The following TSSK6 variants were observed in gnomAD, a reference collection of about 807,000 sequenced individuals.
TSSK6 encodes testis-specific serine/threonine-protein kinase 6.
In TSSK6, 9 loss-of-function variants were observed where a neutral mutation model predicts 8.5. The ratio of observed to expected loss-of-function variants is 1.06; its 90% CI spans 0.64 to 1.85. The LOEUF (loss-of-function observed/expected upper bound fraction) is 1.85, where lower values mean the gene tolerates loss of function less well. Ranked by LOEUF, TSSK6 falls within the 40% of genes most tolerant of loss-of-function variation. The probability of loss-of-function intolerance (pLI) is 0.00; values close to 1 mark genes in which losing one functional copy is unlikely to be tolerated. For synonymous variants in TSSK6, 202 were observed against 182.4 expected, an observed-to-expected ratio of 1.11 and a Z score of -0.86; for missense variants, 311 against 391.5, an observed-to-expected ratio of 0.79 and a Z score of 1.73.
In TSSK6 at chr19:19,514,765, G is replaced by C; in HGVS notation, c.663C>G (p.Pro221=). 1 of 1,602,280 alleles carries C rather than the reference G, an allele frequency of 6.2e-7. No homozygotes were observed. The highest frequency in any genetic ancestry group is 8.5e-7 in the Non-Finnish European group (1 of 1,179,550). ...AGAGCACGCCGCGTTTCTGGCGCCGGGGCAGGCCGGCGATGTCCGAGTCGT... is the reference window on the plus strand; with the variant it reads ...AGAGCACGCCGCGTTTCTGGCGCCGCGGCAGGCCGGCGATGTCCGAGTCGT... The part of the protein sequence containing the change: ...PFDDSDIAGL[P]RRQKRGVLYP... The change falls in exon 1 of 1, where the codon CCC becomes CCG. Residue 221 remains proline (P), a synonymous_variant. Transcript: ENST00000585580.
Position 19,515,158 on chromosome 19 carries a change from C to T in TSSK6, c.270G>A (p.Met90Ile). Residue 90 changes from methionine to isoleucine, a missense_variant, in exon 1 of 1, where the codon ATG becomes ATA. Met to Ile is a conservative substitution (Grantham distance 10, BLOSUM62 1). Transcript: ENST00000585580. ...EVCNGKLYIV[M>I]EAAATDLLQA... Reference sequence around the variant, plus strand: ...GCAGCAGGTCGGTGGCGGCCGCTTCCATCACGATGTACAGTTTCCCGTTGC... The same window carrying T: ...GCAGCAGGTCGGTGGCGGCCGCTTCTATCACGATGTACAGTTTCCCGTTGC... 1 of 1,606,802 alleles carries T rather than the reference C, an allele frequency of 6.2e-7. No homozygotes were observed. Among genetic ancestry groups the T allele is most frequent in the South Asian group, 1.1e-5 (1 of 91,084 alleles).
At position 19,514,319 on chromosome 19, in the gene TSSK6, C is replaced by T; in HGVS notation, c.*287G>A. On this transcript the variant is annotated 3_prime_UTR_variant, in exon 1 of 1. Coordinates refer to ENST00000585580, the MANE Select transcript of TSSK6 (RefSeq NM_032037.4). ...CCGCGCAGAGGCTGAGAGTTCCGCG[C>T]AGGCGCAATGCTTCCGTCCCCTCTG... 1 of 460,042 alleles carries T rather than the reference C, an allele frequency of 2.2e-6. No individual in the cohort carries two copies. Among genetic ancestry groups the T allele is most frequent in the South Asian group, 3.7e-5 (1 of 27,042 alleles). The allele number at this position is 460,042 out of a possible 1,614,324, so 28.5% of individuals were successfully genotyped here.
In TSSK6 at chr19:19,514,820, T is replaced by C. The variant is rs2061038083; in HGVS notation, c.608A>G (p.Tyr203Cys). Residue 203 changes from tyrosine (Y) to cysteine (C), a missense_variant, in exon 1 of 1, where the codon TAC (tyrosine) becomes TGC (cysteine). Coordinates refer to ENST00000585580, the MANE Select transcript of TSSK6 (RefSeq NM_032037.4). ...GGGCATGCACCCGGTGACCATGACGTAGAGCACGACGCCCATGCTCCACAC... is the reference window on the plus strand; with the variant it reads ...GGGCATGCACCCGGTGACCATGACGCAGAGCACGACGCCCATGCTCCACAC... ...YDVWSMGVVL[Y>C]VMVTGCMPFD... is the part of the protein sequence containing the mutation. 1 of 1,600,068 alleles carries C rather than the reference T, an allele frequency of 6.2e-7. No homozygotes were observed. The highest frequency in any genetic ancestry group is 2.2e-5 in the East Asian group (1 of 44,794).
chr19:19,514,504 G>T lies in TSSK6; in HGVS notation c.*102C>A. On this transcript the variant is annotated 3_prime_UTR_variant, in exon 1 of 1. Transcript: ENST00000585580. ...GAAGGGAAAAAGCGCATGTGCAGCA[G>T]CACGCGGCAGCTTCGCATATTCCCT... 8.9e-7 allele frequency: 1 copy of T among 1,122,672 alleles called. No individual in the cohort carries two copies. The highest frequency in any genetic ancestry group is 1.2e-6 in the Non-Finnish European group (1 of 815,628). 69.5% of individuals were successfully genotyped at this position (1,122,672 alleles called of 1,614,324 possible). A position where few individuals can be genotyped will look rare whatever the true frequency, so the allele number is the denominator to read the frequency against.
Position 19,514,460 on chromosome 19 carries a change from G to T in TSSK6, c.*146C>A. On this transcript the variant is annotated 3_prime_UTR_variant, in exon 1 of 1. Transcript: ENST00000585580. Reference sequence around the variant, plus strand: ...AGGGCAACTGCGGACTCCCCCGTGGGAAGAAAGGGAGGGAAGCGGAAGGGA... The same window carrying T: ...AGGGCAACTGCGGACTCCCCCGTGGTAAGAAAGGGAGGGAAGCGGAAGGGA... The T allele has an allele frequency of 1.2e-6, 1 of 806,316 alleles. No homozygotes were observed. The highest frequency in any genetic ancestry group is 1.9e-6 in the Non-Finnish European group (1 of 529,676). 49.9% of individuals were successfully genotyped at this position (806,316 alleles called of 1,614,324 possible).
chr19:19,515,532 A>G lies in TSSK6; in HGVS notation c.-105T>C. On this transcript the variant is annotated 5_prime_UTR_variant, in exon 1 of 1. Coordinates refer to ENST00000585580, the MANE Select transcript of TSSK6 (RefSeq NM_032037.4). ...TGGCGCTTGGCACCTACACCCCCGC[A>G]CCCCCATGTGCCCACTGCCAGACAT... 9.7e-7 allele frequency: 1 copy of G among 1,030,252 alleles called. No individual in the cohort carries two copies. The highest frequency in any genetic ancestry group is 1.4e-6 in the Non-Finnish European group (1 of 698,306). 63.8% of individuals were successfully genotyped at this position (1,030,252 alleles called of 1,614,324 possible). A position where few individuals can be genotyped will look rare whatever the true frequency, so the allele number is the denominator to read the frequency against.
rs2061034144 is a variant in TSSK6, at chr19:19,514,290, C to T, written c.*316G>A. 1 of 354,028 alleles carries T rather than the reference C, an allele frequency of 2.8e-6. No homozygotes were observed. 21.9% of individuals were successfully genotyped at this position (354,028 alleles called of 1,614,324 possible). ...ACCCACGGCTGGTTGGGAAGGGACG[C>T]CCTCCGCGCAGAGGCTGAGAGTTCC... is the stretch of plus-strand genomic sequence containing the variant. On this transcript the variant is annotated 3_prime_UTR_variant, in exon 1 of 1. Coordinates refer to ENST00000585580, the MANE Select transcript of TSSK6 (RefSeq NM_032037.4).
rs1283135556 is a variant in TSSK6, at chr19:19,514,708, G to A, written c.720C>T (p.Cys240=). The A allele has an allele frequency of 5.6e-6, 9 of 1,601,676 alleles. No individual in the cohort carries two copies. The highest frequency in any genetic ancestry group is 1.3e-5 in the African/African-American group (1 of 74,932). Residue 240 remains cysteine, a synonymous_variant, in exon 1 of 1, where the codon TGC becomes TGT. Transcript: ENST00000585580. ...GCAGCAGCTCGGCGATCAGGGCCTT[G>A]CAGCGCTCGGACAGCTCGAGGCCTT... ...YPEGLELSER[C]KALIAELLQF...
Position 19,514,756 on chromosome 19 carries a change from C to A in TSSK6, c.672G>T (p.Gln224His). ...DSDIAGLPRR[Q>H]KRGVLYPEGL... Reference sequence around the variant, plus strand: ...CTTCGGGATAGAGCACGCCGCGTTTCTGGCGCCGGGGCAGGCCGGCGATGT... The same window carrying A: ...CTTCGGGATAGAGCACGCCGCGTTTATGGCGCCGGGGCAGGCCGGCGATGT... Residue 224 changes from glutamine (Q) to histidine (H), a missense_variant, in exon 1 of 1, where the codon CAG becomes CAT. By Grantham distance (24) the Gln-to-His change is conservative. Transcript: ENST00000585580. 1 of 1,602,440 alleles carries A rather than the reference C, an allele frequency of 6.2e-7. No homozygotes were observed.
At position 19,515,382 on chromosome 19, in the gene TSSK6, G is replaced by C. The variant is rs2061042020; in HGVS notation, c.46C>G (p.Arg16Gly). Residue 16 changes from arginine (R) to glycine (G), a missense_variant, in exon 1 of 1, where the codon CGC becomes GGC. By Grantham distance (125) the Arg-to-Gly change is moderately radical (BLOSUM62 -2). Transcript: ENST00000585580. ...LLSELGYKLG[R>G]TIGEGSYSKV... ...GAGTAGCTGCCCTCTCCAATTGTGC[G>C]GCCCAGCTTATAACCGAGTTCGCTC... The C allele has an allele frequency of 1.2e-6, 2 of 1,609,984 alleles. No individual in the cohort carries two copies. Among genetic ancestry groups the C allele is most frequent in the Non-Finnish European group, 1.7e-6 (2 of 1,176,632 alleles).
rs774458701 is a variant in TSSK6, at chr19:19,514,746, C to G, written c.682G>C (p.Val228Leu). The G allele has an allele frequency of 6.2e-7, 1 of 1,602,382 alleles. No homozygotes were observed. Among genetic ancestry groups the G allele is most frequent in the Non-Finnish European group, 8.5e-7 (1 of 1,179,572 alleles). ...AGCTCGAGGCCTTCGGGATAGAGCA[C>G]GCCGCGTTTCTGGCGCCGGGGCAGG... ...AGLPRRQKRG[V>L]LYPEGLELSE... The change falls in exon 1 of 1, where the codon GTG becomes CTG. Residue 228 changes from valine to leucine, a missense_variant. Transcript: ENST00000585580.
rs760900701 is a variant in TSSK6 at position 19,514,669 on chromosome 19, G to A, written c.759C>T (p.Ser253=). ...CTACCTGGCCCGCGGAGGGCCTGGC[G>A]GACGGGCTGAACTGCAGCAGCTCGG... is the stretch of plus-strand genomic sequence containing the variant. ...LIAELLQFSP[S]ARPSAGQVAR... Residue 253 remains serine, a synonymous_variant, in exon 1 of 1, where the codon TCC becomes TCT. Transcript: ENST00000585580. The A allele has an allele frequency of 1.3e-6, 2 of 1,599,460 alleles. No individual in the cohort carries two copies. The highest frequency in any genetic ancestry group is 2.2e-5 in the South Asian group (2 of 91,000).
chr19:19,514,304 G>A lies in TSSK6; in HGVS notation c.*302C>T, dbSNP rs2061034255. ...GGGAAGGGACGCCCTCCGCGCAGAG[G>A]CTGAGAGTTCCGCGCAGGCGCAATG... is the stretch of plus-strand genomic sequence containing the variant. On this transcript the variant is annotated 3_prime_UTR_variant, in exon 1 of 1. Transcript: ENST00000585580. 1 of 422,832 alleles carries A rather than the reference G, an allele frequency of 2.4e-6. No homozygotes were observed. The highest frequency in any genetic ancestry group is 4.3e-6 in the Non-Finnish European group (1 of 234,580). 26.2% of individuals were successfully genotyped at this position (422,832 alleles called of 1,614,324 possible).
At position 19,515,466 on chromosome 19, in the gene TSSK6, C is replaced by A; in HGVS notation, c.-39G>T. 2.6e-6 allele frequency: 4 copies of A among 1,551,588 alleles called. No homozygotes were observed. The highest frequency in any genetic ancestry group is 1.2e-5 in the South Asian group (1 of 83,540). On this transcript the variant is annotated 5_prime_UTR_variant, in exon 1 of 1. Coordinates refer to ENST00000585580, the MANE Select transcript of TSSK6 (RefSeq NM_032037.4). Reference sequence around the variant, plus strand: ...GCGCACGGGGGGCAGGAGGCGGCTGCTGTCGGGGGGCGGCCGGACTCCAAT... The same window carrying A: ...GCGCACGGGGGGCAGGAGGCGGCTGATGTCGGGGGGCGGCCGGACTCCAAT...
chr19:19,514,843 C>A lies in TSSK6; in HGVS notation c.585G>T (p.Val195=). The A allele has an allele frequency of 6.2e-7, 1 of 1,600,024 alleles. No homozygotes were observed. The highest frequency in any genetic ancestry group is 1.1e-5 in the South Asian group (1 of 90,982). The stretch of plus-strand genomic sequence containing the variant: ...CGTAGAGCACGACGCCCATGCTCCA[C>A]ACATCGTACTTCTTGGGGTCGTAGG... ...GIPYDPKKYD[V]WSMGVVLYVM... The change falls in exon 1 of 1, where the codon GTG becomes GTT. Residue 195 remains valine (V), a synonymous_variant. Transcript: ENST00000585580.
At position 19,514,822 on chromosome 19, in the gene TSSK6, G is replaced by C. The variant is rs61743681; in HGVS notation, c.606C>G (p.Leu202=). ...GCATGCACCCGGTGACCATGACGTA[G>C]AGCACGACGCCCATGCTCCACACAT... is the stretch of plus-strand genomic sequence containing the variant. ...KYDVWSMGVV[L]YVMVTGCMPF... The change falls in exon 1 of 1, where the codon CTC becomes CTG. Residue 202 remains leucine (L), a synonymous_variant. Coordinates refer to ENST00000585580, the MANE Select transcript of TSSK6 (RefSeq NM_032037.4). 6.2e-7 allele frequency: 1 copy of C among 1,600,052 alleles called. No homozygotes were observed. The highest frequency in any genetic ancestry group is 1.7e-5 in the Admixed American group (1 of 59,976).
Position 19,515,321 on chromosome 19 carries a change from C to T in TSSK6, c.107G>A (p.Gly36Asp), listed in dbSNP as rs1361116185. The T allele has an allele frequency of 9.3e-6, 15 of 1,614,172 alleles. No homozygotes were observed. Among genetic ancestry groups the T allele is most frequent in the Non-Finnish European group, 1.3e-5 (15 of 1,180,000 alleles). The change falls in exon 1 of 1, where the codon GGT becomes GAT. Residue 36 changes from glycine (G) to aspartate (D), a missense_variant. Transcript: ENST00000585580. ...GTCCACCACCTTGATGGCCACGGTA[C>T]CCTTGTACTTCTTGGATGTGGCCAC... ...VKVATSKKYK[G>D]TVAIKVVDRR...
At position 19,515,023 on chromosome 19, in the gene TSSK6, G is replaced by T; in HGVS notation, c.405C>A (p.Asp135Glu). The change falls in exon 1 of 1, where the codon GAC becomes GAA. Residue 135 changes from aspartate (D) to glutamate (E), a missense_variant. Transcript: ENST00000585580. ...TCAGCAGCACGTTTTCGCACTTGAG[G>T]TCGCGGTGCACCAGGTGATGATCGT... is the stretch of plus-strand genomic sequence containing the variant. ...YLHDHHLVHR[D>E]LKCENVLLSP... is the part of the protein sequence containing the mutation. 6.2e-7 allele frequency: 1 copy of T among 1,611,288 alleles called. No individual in the cohort carries two copies. The highest frequency in any genetic ancestry group is 8.5e-7 in the Non-Finnish European group (1 of 1,178,944).
chr19:19,515,103 CGG>C lies in TSSK6; in HGVS notation c.323_324del (p.Pro108ArgfsTer?). The C allele has an allele frequency of 6.2e-7, 1 of 1,604,688 alleles. No homozygotes were observed. Among genetic ancestry groups the C allele is most frequent in the African/African-American group, 1.3e-5 (1 of 74,990 alleles). The part of the protein sequence containing the change: ...LQAVQRNGRI[P>X]GVQARDLFAQ... ...GCAAAGAGGTCGCGCGCCTGAACTCCGGGGATGCGCCCGTTGCGCTGCACGGC... is the reference window on the plus strand; with the variant it reads ...GCAAAGAGGTCGCGCGCCTGAACTCCGGATGCGCCCGTTGCGCTGCACGGC... On this transcript the variant is annotated frameshift_variant, in exon 1 of 1. Coordinates refer to ENST00000585580, the MANE Select transcript of TSSK6 (RefSeq NM_032037.4). LOFTEE classifies it low-confidence loss of function (END_TRUNC).
Sources: allele counts gnomAD v4.1 joint callset, GRCh38; gene constraint gnomAD v4.1.1; transcripts MANE v1.5; gene names NCBI Gene and HGNC (gene_info 2026-07-23, HGNC 2026-07-21).